ZFHX3: variants seen among roughly 807,000 people sequenced by gnomAD.
ZFHX3 encodes zinc finger homeobox protein 3.
ZFHX3 carries 42 observed loss-of-function variants against 279.1 expected under a neutral mutation model. That is an observed-to-expected ratio of 0.15 (90% CI 0.12 to 0.19). ZFHX3 has a LOEUF of 0.19. ZFHX3 is among the 10% of genes least tolerant of loss of function. ZFHX3 has a pLI of 1.00. For synonymous variants in ZFHX3, 2,293 were observed against 1,957.8 expected (o/e 1.17, Z -4.52); for missense variants, 4,981 against 4,754.0 (o/e 1.05, Z -1.40).
At chr16:72,944,750 A>G (rs1193460954) in intron 3 of ZFHX3, among the ~76,000 whole-genome samples, 1 of 152,226 alleles carries the variant, frequency 6.6e-6, no homozygotes, top group African/African-American at 2.4e-5. Context: ...TGAGGTAAAC[A>G]TGGAATGCTA....
chr16:73,108,542 T>G (rs1017277854), intron 7 of ZFHX3, among the ~76,000 whole-genome samples: 4 of 152,072 alleles, frequency 2.6e-5, no homozygotes, highest in Non-Finnish European at 4.4e-5. Context: ...GTGCTGGGAT[T>G]ACACCCAGTG....
chr16:73,164,750 T>A (rs1967319335), intron 5 of ZFHX3, among the ~76,000 whole-genome samples: 1 of 151,834 alleles, frequency 6.6e-6, no homozygotes, highest in Non-Finnish European at 1.5e-5. Flanking sequence ...TATTTGGCTA[T>A]TGCCAACACT....
chr16:72,998,944 T>A (rs1421385422), intron 1 of ZFHX3, among the ~76,000 whole-genome samples: 2 of 152,218 alleles, frequency 1.3e-5, no homozygotes, highest in African/African-American at 2.4e-5. Flanking sequence ...AAAATCCTCA[T>A]AACCCTTTAA....
chr16:73,745,109 C>T (rs1372528712), intron 1 of ZFHX3, among the ~76,000 whole-genome samples: 2 of 152,182 alleles, frequency 1.3e-5, no homozygotes, highest in South Asian at 2.1e-4. Flanking sequence ...GTCCATACCA[C>T]TTTTCTTTAT....
rs1208220810 is a variant in ZFHX3 at position 72,787,248 on chromosome 16, C to G, written c.11028G>C (p.Ala3676=). The change falls in exon 10 of 10, where the codon GCG becomes GCC. Residue 3676 remains alanine (A), a synonymous_variant. Coordinates refer to ENST00000268489, the MANE Select transcript of ZFHX3 (RefSeq NM_006885.4). ...GGTCTTTGGGACCCTCCACCGGGCT[C>G]GCCGGTCCGTCGGACTTTTGGCTGA... ...TDLSQKSDGP[A]SPVEGPKDPS... is the part of the protein sequence containing the mutation. 7.4e-6 allele frequency: 12 copies of G among 1,613,972 alleles called. No homozygotes were observed. The highest frequency in any genetic ancestry group is 1.3e-5 in the African/African-American group (1 of 74,894).
intron 1 of ZFHX3, among the ~76,000 whole-genome samples, chr16:73,821,801 G>A (rs1381771030): frequency 6.6e-6 from 1 of 152,160 alleles, no homozygotes; most frequent in African/African-American, 2.4e-5. Flanking sequence ...CAGGGTGCTG[G>A]GCTCAGTGGG....
At position 72,794,333 on chromosome 16, in the gene ZFHX3, G is replaced by T; in HGVS notation, c.8349C>A (p.Val2783=). The T allele has an allele frequency of 3.1e-6, 5 of 1,604,746 alleles. No homozygotes were observed. The highest frequency in any genetic ancestry group is 1.7e-4 in the Middle Eastern group (1 of 5,998). The change falls in exon 9 of 10, where the codon GTC becomes GTA. Residue 2783 remains valine, a synonymous_variant. Transcript: ENST00000268489. This position sits in a 1 kb window ranked among gnomAD's most constrained non-coding sequence, Gnocchi z 4.2. ...TGGTTTTACTCACAGGTGAGAGGGG[G>T]ACACCCTGACCATCACTACTGCTTG... ...LPPSSSDGQG[V]PLSPVSKTME... is the part of the protein sequence containing the mutation.
chr16:73,253,596 C>T (rs530542707), intron 5 of ZFHX3, among the ~76,000 whole-genome samples: 6 of 147,272 alleles, frequency 4.1e-5, no homozygotes, highest in East Asian at 2.0e-4. Flanking sequence ...GGACTACAGG[C>T]GCCTGCCACC....
intron 1 of ZFHX3, among the ~76,000 whole-genome samples, chr16:73,788,556 C>A (rs1294295105): frequency 6.6e-6 from 1 of 152,100 alleles, no homozygotes; most frequent in Non-Finnish European, 1.5e-5. Flanking sequence ...CCCATTAGGT[C>A]GTAAGTTCTG....
intron 8 of ZFHX3, among the ~76,000 whole-genome samples, chr16:73,079,820 C>A (rs1567658723): frequency 6.6e-6 from 1 of 152,224 alleles, no homozygotes; most frequent in Non-Finnish European, 1.5e-5. Flanking sequence ...TGCTTGAGCA[C>A]CTCTGGCACT....
intron 5 of ZFHX3, among the ~76,000 whole-genome samples, chr16:73,146,214 G>C (rs981465349): frequency 6.6e-6 from 1 of 152,162 alleles, no homozygotes; most frequent in African/African-American, 2.4e-5. Flanking sequence ...CGGATCACAA[G>C]GTCAAGAGAT....
intron 1 of ZFHX3, among the ~76,000 whole-genome samples, chr16:73,808,993 C>T (rs1356716303): frequency 1.3e-5 from 2 of 152,246 alleles, no homozygotes; most frequent in Non-Finnish European, 2.9e-5. Flanking sequence ...TAGATTTTAT[C>T]CTGTCATCTG....
intron 1 of ZFHX3, among the ~76,000 whole-genome samples, chr16:73,726,950 G>C (rs1240250944): frequency 3.9e-5 from 6 of 152,172 alleles, no homozygotes; most frequent in Non-Finnish European, 7.3e-5. Flanking sequence ...ATCCCAAAAA[G>C]TCTTCAGACA....
chr16:73,663,234 C>G (rs538731565), intron 2 of ZFHX3, among the ~76,000 whole-genome samples: 1 of 152,306 alleles, frequency 6.6e-6, no homozygotes, highest in Non-Finnish European at 1.5e-5. Context: ...ATCTGAAATT[C>G]AGTAGCTTGC....
chr16:72,961,618 A>C (rs1597022868), intron 1 of ZFHX3, among the ~76,000 whole-genome samples: 1 of 140,542 alleles, frequency 7.1e-6, no homozygotes, highest in African/African-American at 2.6e-5. Context: ...GACAGCCCCT[A>C]TCTTCTCAAT....
intron 1 of ZFHX3, among the ~76,000 whole-genome samples, chr16:73,746,084 A>C (rs149903972): frequency 6.6e-6 from 1 of 152,156 alleles, no homozygotes; most frequent in Non-Finnish European, 1.5e-5. Flanking sequence ...AGGTGGGAGA[A>C]AGAAAGGGAG....
chr16:73,294,553 GTAATCCCA>G (rs2014856705), intron 4 of ZFHX3, among the ~76,000 whole-genome samples: 1 of 152,232 alleles, frequency 6.6e-6, no homozygotes, highest in Admixed American at 6.5e-5. Flanking sequence ...GCTCACGCCT[GTAATCCCA>G]TTACTTCGGG....
chr16:73,336,177 G>C (rs2015908876), intron 3 of ZFHX3, among the ~76,000 whole-genome samples: 1 of 152,190 alleles, frequency 6.6e-6, no homozygotes, highest in African/African-American at 2.4e-5. Flanking sequence ...TTATTAACCT[G>C]CGAAGCACCA....
At chr16:72,968,015 A>G (rs1168576600) in intron 1 of ZFHX3, among the ~76,000 whole-genome samples, 2 of 151,540 alleles carry the variant, frequency 1.3e-5, no homozygotes, top group East Asian at 3.9e-4. Flanking sequence ...ATAGCAGGAA[A>G]AAAAAAAACA....
Sources: allele counts gnomAD v4.1 joint callset (sites outside exome capture counted in the v4.1 genomes callset), GRCh38; gene constraint gnomAD v4.1.1; non-coding constraint Gnocchi (gnomAD v3.1); transcripts MANE v1.5; gene names NCBI Gene and HGNC (gene_info 2026-07-23, HGNC 2026-07-21).